Variants in NFXL1 observed in about 807,000 individuals in gnomAD.
NFXL1 encodes NF-X1-type zinc finger protein NFXL1.
In NFXL1, 66 loss-of-function variants were observed where a neutral mutation model predicts 123.3. That is an observed-to-expected ratio of 0.54 (90% CI 0.44 to 0.66). The LOEUF (loss-of-function observed/expected upper bound fraction) is 0.66. NFXL1 is among the 30% of genes least tolerant of loss of function. NFXL1 has a pLI of 0.00. For missense variants in NFXL1, 944 were observed against 1,125.6 expected (o/e 0.84, Z 2.31); for synonymous variants, 346 against 360.8 (o/e 0.96, Z 0.46).
At position 47,895,861 on chromosome 4, in the gene NFXL1, T is replaced by C. The variant is rs150427467; in HGVS notation, c.1329+662A>G. On this transcript the variant is annotated intron_variant, in intron 10 of 22. Transcript: ENST00000507489. ...TATTTCAGCTTTCAACTTGCCTTCC[T>C]CACTAGCTTAATCATCTCTAGCTTT... is the stretch of plus-strand genomic sequence containing the variant. Among the ~76,000 whole-genome samples the C allele has an allele frequency of 4.0e-3, 613 of 152,360 alleles. 3 individuals carry two copies. Among genetic ancestry groups the C allele is most frequent in the Non-Finnish European group, 7.7e-3 (527 of 68,024 alleles).
chr4:47,851,202 G>T, intron 21 of NFXL1, 54 bp from the exon 22 acceptor site: 1 of 1,350,432 alleles, frequency 7.4e-7, no homozygotes, highest in Non-Finnish European at 1.1e-6. Context: ...CATTTTATAT[G>T]GAATTTTAAC....
At chr4:47,904,670 T>C (rs1737486622) in intron 4 of NFXL1, among the ~76,000 whole-genome samples, 1 of 152,258 alleles carries the variant, frequency 6.6e-6, no homozygotes, top group Non-Finnish European at 1.5e-5. Flanking sequence ...ATGTTGAGTC[T>C]TTCACATTCA....
intron 5 of NFXL1, among the ~76,000 whole-genome samples, chr4:47,901,363 T>G (rs1737347324): frequency 6.6e-6 from 1 of 152,204 alleles, no homozygotes; most frequent in Admixed American, 6.5e-5. Context: ...TAAACTGTTG[T>G]TCCTTTTAAA....
At position 47,878,403 on chromosome 4, in the gene NFXL1, G is replaced by A. The variant is rs189128807; in HGVS notation, c.2079+122C>T. Reference sequence around the variant, plus strand: ...CTTAGGAAAGGAAAAGAAGGAGAAGGGATGAGGGCAAAAAAAGAGACAGGA... The same window carrying A: ...CTTAGGAAAGGAAAAGAAGGAGAAGAGATGAGGGCAAAAAAAGAGACAGGA... On this transcript the variant is annotated intron_variant, in intron 17 of 22. Coordinates refer to ENST00000507489, the MANE Select transcript of NFXL1 (RefSeq NM_001278624.2). 580 of 706,886 alleles carry A rather than the reference G, an allele frequency of 8.2e-4. 2 individuals are homozygous for A. The highest frequency in any genetic ancestry group is 7.1e-4 in the Non-Finnish European group (306 of 430,450). 43.8% of individuals were successfully genotyped at this position (706,886 alleles called of 1,614,324 possible). A position where few individuals can be genotyped will look rare whatever the true frequency, so the allele number is the denominator to read the frequency against.
intron 15 of NFXL1, among the ~76,000 whole-genome samples, chr4:47,880,580 T>C (rs530188363): frequency 1.3e-5 from 2 of 151,802 alleles, no homozygotes; most frequent in Non-Finnish European, 2.9e-5. Flanking sequence ...AAAGAATTTG[T>C]GGAAACTCTA....
chr4:47,851,069 T>G, intron 22 of NFXL1, 26 bp downstream of exon 22: 1 of 1,570,534 alleles, frequency 6.4e-7, no homozygotes, highest in South Asian at 1.1e-5. Context: ...CTAAGAGACA[T>G]AAATCTGGGT....
intron 18 of NFXL1, 100 bp from the exon 19 acceptor site, chr4:47,863,015 C>CTT (rs1041009826): frequency 1.5e-5 from 10 of 689,400 alleles, no homozygotes; most frequent in Non-Finnish European, 2.0e-5. Flanking sequence ...ATAAAATTAT[C>CTT]TTTTTTCCTC....
chr4:47,860,280 C>T (rs1171714884), intron 19 of NFXL1, among the ~76,000 whole-genome samples: 1 of 152,034 alleles, frequency 6.6e-6, no homozygotes, highest in African/African-American at 2.4e-5. Flanking sequence ...AACTGAAGCC[C>T]CATACCATGT....
At chr4:47,890,462 A>C (rs1736698875) in intron 12 of NFXL1, 151 bp downstream of exon 12, 1 of 570,268 alleles carries the variant, frequency 1.8e-6, no homozygotes, top group Non-Finnish European at 3.1e-6. Flanking sequence ...GACACTGGCA[A>C]ACTGCCTTAC....
In NFXL1 at chr4:47,851,123, G is replaced by A; in HGVS notation, c.2534C>T (p.Ala845Val). 6.2e-7 allele frequency: 1 copy of A among 1,611,832 alleles called. No homozygotes were observed. Among genetic ancestry groups the A allele is most frequent in the South Asian group, 1.1e-5 (1 of 91,004 alleles). ...SEIKEAEAKA[A>V]LEEEKRRQQA... is the part of the protein sequence containing the mutation. The stretch of plus-strand genomic sequence containing the variant: ...TTGTCTTCGTTTTTCTTCTTCAAGA[G>A]CAGCTTTGGCTTCTGCTTCTTTTAT... Residue 845 changes from alanine (A) to valine (V), a missense_variant, in exon 22 of 23, where the codon GCT becomes GTT. Ala to Val is a moderately conservative substitution (Grantham distance 64). This residue lies in a region of NFXL1 where 301 missense variants were observed against 348.0 expected (regional missense o/e 0.86). Transcript: ENST00000507489.
chr4:47,875,459 C>T, intron 17 of NFXL1, 166 bp from the exon 18 acceptor site: 2 of 458,642 alleles, frequency 4.4e-6, no homozygotes, highest in Non-Finnish European at 7.6e-6. Context: ...TAAAAATATT[C>T]AAACTAAAGA....
At chr4:47,881,375 TACC>T (rs1360001857) in intron 15 of NFXL1, among the ~76,000 whole-genome samples, 1 of 152,094 alleles carries the variant, frequency 6.6e-6, no homozygotes, top group African/African-American at 2.4e-5. Context: ...ACACTGACAA[TACC>T]ACATGTTGGT....
intron 3 of NFXL1, among the ~76,000 whole-genome samples, chr4:47,910,606 C>A (rs1035899766): frequency 1.3e-5 from 2 of 152,146 alleles, no homozygotes; most frequent in Non-Finnish European, 2.9e-5. Flanking sequence ...CCTCCTAAGG[C>A]TATAAAAGAG....
At chr4:47,901,238 A>G (rs1737343781) in intron 5 of NFXL1, among the ~76,000 whole-genome samples, 1 of 152,182 alleles carries the variant, frequency 6.6e-6, no homozygotes, top group Non-Finnish European at 1.5e-5. Flanking sequence ...ACATTTTACC[A>G]AGTTCTAGCT....
At chr4:47,856,284 G>T (rs1170098689) in intron 19 of NFXL1, among the ~76,000 whole-genome samples, 1 of 152,094 alleles carries the variant, frequency 6.6e-6, no homozygotes. Context: ...AGGATTAAAT[G>T]AGTTCAGTAT....
intron 14 of NFXL1, 60 bp downstream of exon 14, chr4:47,885,438 A>G: frequency 1.4e-6 from 2 of 1,395,192 alleles, no homozygotes; most frequent in Non-Finnish European, 2.0e-6. Flanking sequence ...AAACTAAGTA[A>G]AAGCAAGAAA....
chr4:47,905,509 C>CA (rs1218888184), intron 3 of NFXL1, among the ~76,000 whole-genome samples, 163 bp from the exon 4 acceptor site: 1 of 152,062 alleles, frequency 6.6e-6, no homozygotes, highest in African/African-American at 2.4e-5. Context: ...AATGAGCTGT[C>CA]AAGAGGTAAC....
chr4:47,914,602 C>A (rs1738025466), upstream of NFXL1: 1 of 172,844 alleles, frequency 5.8e-6, no homozygotes, highest in East Asian at 1.5e-4. Flanking sequence ...CGGAAAGCTA[C>A]GTCTCCTTAC....
intron 18 of NFXL1, 22 bp downstream of exon 18, chr4:47,875,105 A>AC (rs1735667463): frequency 1.3e-6 from 2 of 1,509,744 alleles, no homozygotes; most frequent in Non-Finnish European, 1.8e-6. Context: ...ATAAAATAAG[A>AC]CTTTTTTTTC....
Sources: gnomAD v4.1 joint callset for allele counts (sites outside exome capture counted in the v4.1 genomes callset) on GRCh38, gnomAD v4.1.1 for gene constraint, gnomAD v4.1.1 regional missense constraint, MANE v1.5 for transcripts, NCBI Gene and HGNC (gene_info 2026-07-23, HGNC 2026-07-21) for gene names.